ZMYND11: variants seen among roughly 807,000 people sequenced by gnomAD.
The protein encoded by ZMYND11 is zinc finger MYND-type containing 11, also known as zinc finger MYND domain-containing protein 11.
In ZMYND11, 9 loss-of-function variants were observed where a neutral mutation model predicts 84.9. The observed-to-expected ratio is 0.11, with a 90% CI of 0.06 to 0.18. The LOEUF (loss-of-function observed/expected upper bound fraction) is 0.18. ZMYND11 is among the 10% of genes least tolerant of loss of function. The probability of loss-of-function intolerance (pLI) is 1.00; values close to 1 mark genes in which losing one functional copy is unlikely to be tolerated. For synonymous variants in ZMYND11, 250 were observed against 244.1 expected (o/e 1.02, Z -0.23); for missense variants, 409 against 761.0 (o/e 0.54, Z 5.44).
intron 1 of ZMYND11, among the ~76,000 whole-genome samples, chr10:161,043 C>G (rs782449190): frequency 7.0e-6 from 1 of 143,256 alleles, no homozygotes; most frequent in African/African-American, 2.6e-5. Context: ...CTGACTGCAG[C>G]CTTGAACTCT....
intron 1 of ZMYND11, among the ~76,000 whole-genome samples, chr10:161,402 T>C (rs1259764811): frequency 6.6e-6 from 1 of 152,212 alleles, no homozygotes; most frequent in South Asian, 2.1e-4. Flanking sequence ...AGCATAATTC[T>C]TAAGGGCGCT....
chr10:159,684 A>G (rs552609809), intron 1 of ZMYND11, among the ~76,000 whole-genome samples: 83 of 152,232 alleles, frequency 5.5e-4, no homozygotes, highest in Non-Finnish European at 8.8e-5. Context: ...ACTTTTGCCT[A>G]TTCAATTTGT....
At position 209,907 on chromosome 10, in the gene ZMYND11, C is replaced by T. The variant is rs368308575; in HGVS notation, c.135C>T (p.His45=). 1.6e-5 allele frequency: 26 copies of T among 1,613,414 alleles called. No homozygotes were observed. The highest frequency in any genetic ancestry group is 1.5e-4 in the South Asian group (14 of 90,976). ...TGTTCAGGTATATGTCTCGAGTCCA[C>T]GGTATGCACCCTAAAGAGACCACCC... is the stretch of plus-strand genomic sequence containing the variant. ...DRITKYMSRV[H]GMHPKETTRQ... The change falls in exon 3 of 15, where the codon CAC becomes CAT. Residue 45 remains histidine, a synonymous_variant. Coordinates refer to ENST00000381604, the MANE Select transcript of ZMYND11 (RefSeq NM_001370100.5).
chr10:177,343 G>A (rs565929639), intron 1 of ZMYND11, among the ~76,000 whole-genome samples: 3 of 152,032 alleles, frequency 2.0e-5, no homozygotes, highest in African/African-American at 7.2e-5. Context: ...AATGTTCTAC[G>A]TGGGCTCTTA....
chr10:214,635 A>G (rs181247687), intron 3 of ZMYND11, among the ~76,000 whole-genome samples: 11 of 152,286 alleles, frequency 7.2e-5, no homozygotes, highest in East Asian at 1.9e-4. Flanking sequence ...AAATTTTGTG[A>G]TATCTGGTCA....
chr10:180,715 A>G (rs1334590785), intron 2 of ZMYND11, among the ~76,000 whole-genome samples: 1 of 152,218 alleles, frequency 6.6e-6, no homozygotes, highest in Non-Finnish European at 1.5e-5. Context: ...TTCTTTTATT[A>G]AAAACACCTT....
chr10:207,949 A>T (rs542518349), intron 2 of ZMYND11, among the ~76,000 whole-genome samples: 5 of 152,182 alleles, frequency 3.3e-5, no homozygotes, highest in African/African-American at 9.7e-5. Flanking sequence ...CAAAACAGAC[A>T]TATAGATCAA....
intron 4 of ZMYND11, among the ~76,000 whole-genome samples, chr10:223,237 T>C (rs772845032): frequency 4.6e-5 from 7 of 151,952 alleles, no homozygotes; most frequent in African/African-American, 1.2e-4. Context: ...GTCATGTTGG[T>C]GTGGCCAGGC....
chr10:188,964 G>A (rs1352906875), intron 2 of ZMYND11, among the ~76,000 whole-genome samples: 1 of 152,132 alleles, frequency 6.6e-6, no homozygotes, highest in Non-Finnish European at 1.5e-5. Flanking sequence ...CCTGTCTTGG[G>A]CAACTTTAAT....
intron 5 of ZMYND11, among the ~76,000 whole-genome samples, chr10:237,198 C>T (rs1168008298): frequency 6.6e-6 from 1 of 152,116 alleles, no homozygotes; most frequent in Admixed American, 6.5e-5. Context: ...TGAACATTTT[C>T]ATTGATGATG....
upstream of ZMYND11, among the ~76,000 whole-genome samples, chr10:130,144 CAACA>C (rs1224722024): frequency 8.5e-5 from 13 of 152,198 alleles, no homozygotes; most frequent in African/African-American, 2.2e-4. Flanking sequence ...GAAAAACAAA[CAACA>C]AACAAACAAA....
At chr10:248,227 T>G in intron 12 of ZMYND11, 109 bp from the exon 13 acceptor site, 1 of 1,402,880 alleles carries the variant, frequency 7.1e-7, no homozygotes, top group East Asian at 2.3e-5. Context: ...CAGCAGTTTA[T>G]TCTATGGCTA....
intron 1 of ZMYND11, among the ~76,000 whole-genome samples, chr10:160,069 C>T (rs1212792285): frequency 6.6e-5 from 10 of 152,086 alleles, no homozygotes; most frequent in Admixed American, 3.9e-4. Context: ...CTTATTTTAG[C>T]ACAAAATCTT....
chr10:187,719 T>TG lies in ZMYND11; in HGVS notation c.116+7592dup, dbSNP rs761388139. Among the ~76,000 whole-genome samples, 64 of 152,308 alleles carry TG rather than the reference T, an allele frequency of 4.2e-4. 1 individual carries two copies. Among genetic ancestry groups the TG allele is most frequent in the Non-Finnish European group, 7.8e-4 (53 of 68,030 alleles). ...ATGGAAAATATTAAAAGGGTCAGTCTGAAATCAAAATATGTATATGTGGTT... is the reference window on the plus strand; with the variant it reads ...ATGGAAAATATTAAAAGGGTCAGTCTGGAAATCAAAATATGTATATGTGGTT... On this transcript the variant is annotated intron_variant, in intron 2 of 14. Transcript: ENST00000381604.
chr10:136,240 G>A (rs558194306), intron 1 of ZMYND11, among the ~76,000 whole-genome samples: 1 of 152,104 alleles, frequency 6.6e-6, no homozygotes, highest in South Asian at 2.1e-4. Context: ...GCTGGGACGA[G>A]GGGGGGCGCC....
chr10:130,321 C>T (rs1835286687), upstream of ZMYND11, among the ~76,000 whole-genome samples: 1 of 152,096 alleles, frequency 6.6e-6, no homozygotes, highest in Non-Finnish European at 1.5e-5. Context: ...TGGAGATGCA[C>T]CTGCAATTAA....
intron 4 of ZMYND11, among the ~76,000 whole-genome samples, chr10:233,231 C>T (rs1392197182): frequency 6.6e-6 from 1 of 152,106 alleles, no homozygotes; most frequent in African/African-American, 2.4e-5. Flanking sequence ...GTAAAATTCA[C>T]ACATACACTG....
chr10:154,064 G>A lies in ZMYND11; in HGVS notation c.-20+18505G>A, dbSNP rs141102084. On this transcript the variant is annotated intron_variant, in intron 1 of 14. Coordinates refer to ENST00000381604, the MANE Select transcript of ZMYND11 (RefSeq NM_001370100.5). ...AACATTGCTGTTCACCACACTTACT[G>A]TTTAATTGATCGTCATCCCATGAAT... 9.1e-3 allele frequency among the ~76,000 whole-genome samples: 1,384 copies of A among 152,214 alleles called. 12 individuals carry two copies. Among genetic ancestry groups the A allele is most frequent in the Middle Eastern group, 0.014 (4 of 294 alleles).
chr10:237,624 C>T lies in ZMYND11; in HGVS notation c.556C>T (p.Pro186Ser). 1 of 1,613,414 alleles carries T rather than the reference C, an allele frequency of 6.2e-7. No individual in the cohort carries two copies. The highest frequency in any genetic ancestry group is 8.5e-7 in the Non-Finnish European group (1 of 1,179,748). ...LNKKGKDNKH[P>S]MYRRLVHSAV... is the part of the protein sequence containing the mutation. ...TAAAAAGGGGAAGGACAATAAACAC[C>T]CGATGTACAGGAGGCTGGTGCACTC... The change falls in exon 6 of 15, where the codon CCG (proline) becomes TCG (serine). Residue 186 changes from proline (P) to serine (S), a missense_variant. This residue lies in a region of ZMYND11 where 53 missense variants were observed against 71.1 expected (regional missense o/e 0.75). Coordinates refer to ENST00000381604, the MANE Select transcript of ZMYND11 (RefSeq NM_001370100.5).
Sources: gnomAD v4.1 joint callset for allele counts (sites outside exome capture counted in the v4.1 genomes callset) on GRCh38, gnomAD v4.1.1 for gene constraint, gnomAD v4.1.1 regional missense constraint, MANE v1.5 for transcripts, NCBI Gene and HGNC (gene_info 2026-07-23, HGNC 2026-07-21) for gene names.